The following TNN variants were observed in gnomAD, a reference collection of about 807,000 sequenced individuals.
TNN encodes the protein tenascin-N.
Under a neutral mutation model 134.4 loss-of-function variants are expected in TNN, and 122 were observed. That is an observed-to-expected ratio of 0.91 (90% CI 0.78 to 1.06). The LOEUF (loss-of-function observed/expected upper bound fraction) is 1.06, where lower values mean the gene tolerates loss of function less well. TNN is among the 50% of genes least tolerant of loss of function. TNN has a pLI of 0.00. For synonymous variants in TNN, 710 were observed against 670.3 expected, an observed-to-expected ratio of 1.06 and a Z score of -0.91; for missense variants, 1,739 against 1,699.4, an observed-to-expected ratio of 1.02 and a Z score of -0.41.
chr1:175,117,323 G>T, intron 10 of TNN, 118 bp downstream of exon 10: 1 of 1,528,790 alleles, frequency 6.5e-7, no homozygotes, highest in Admixed American at 2.2e-5. Flanking sequence ...GAGTGGGATG[G>T]CATCCCTTCA....
intron 16 of TNN, among the ~76,000 whole-genome samples, 177 bp from the exon 17 acceptor site, chr1:175,136,644 G>A (rs538272930): frequency 2.0e-5 from 3 of 152,238 alleles, no homozygotes; most frequent in South Asian, 2.1e-4. Flanking sequence ...TGTGGTCTTC[G>A]CACTCCTTAG....
chr1:175,115,707 C>T (rs1675150526), intron 9 of TNN, among the ~76,000 whole-genome samples: 1 of 152,060 alleles, frequency 6.6e-6, no homozygotes, highest in African/African-American at 2.4e-5. Context: ...CCATGCAGGC[C>T]ACAGGGGGTG....
At chr1:175,093,533 A>G (rs1388877060) in intron 6 of TNN, among the ~76,000 whole-genome samples, 1 of 152,060 alleles carries the variant, frequency 6.6e-6, no homozygotes, top group Non-Finnish European at 1.5e-5. Context: ...AGAGAAGAGC[A>G]TGTGTAGATA....
chr1:175,081,996 A>G (rs1199409285), intron 4 of TNN, among the ~76,000 whole-genome samples: 1 of 152,172 alleles, frequency 6.6e-6, no homozygotes, highest in Non-Finnish European at 1.5e-5. Flanking sequence ...CTGTGTTCAG[A>G]GTTGATCATG....
intron 17 of TNN, among the ~76,000 whole-genome samples, chr1:175,140,275 A>G (rs993681469): frequency 6.6e-6 from 1 of 152,196 alleles, no homozygotes; most frequent in Admixed American, 6.5e-5. Context: ...GATCATGGCC[A>G]TCGGTTAGCC....
intron 1 of TNN, among the ~76,000 whole-genome samples, chr1:175,074,913 C>A (rs951992880): frequency 6.6e-6 from 1 of 152,238 alleles, no homozygotes; most frequent in African/African-American, 2.4e-5. Context: ...GCGTTTGAAT[C>A]CTGGCTCTGC....
chr1:175,118,931 A>G (rs748269837), intron 11 of TNN, 107 bp downstream of exon 11: 3 of 1,423,108 alleles, frequency 2.1e-6, no homozygotes, highest in Admixed American at 5.1e-5. Flanking sequence ...TCAGGGCTGC[A>G]GACTGTTTTA....
Position 175,141,121 on chromosome 1 carries a change from A to C in TNN, c.3596-3266A>C, listed in dbSNP as rs147322247. Among the ~76,000 whole-genome samples the C allele has an allele frequency of 6.8e-3, 1,043 of 152,322 alleles. 19 individuals carry two copies. The highest frequency in any genetic ancestry group is 0.024 in the African/African-American group (998 of 41,572). ...TTGACTTCCACTCAAGTTATATCAG[A>C]AAGTCCATTTTCCCTTCATGAAGCA... On this transcript the variant is annotated intron_variant, in intron 17 of 18. Transcript: ENST00000239462.
At chr1:175,109,815 T>C (rs1367986619) in intron 9 of TNN, among the ~76,000 whole-genome samples, 1 of 152,080 alleles carries the variant, frequency 6.6e-6, no homozygotes, top group African/African-American at 2.4e-5. Flanking sequence ...GCAGTAAACA[T>C]GGGCATGCAG....
intron 5 of TNN, among the ~76,000 whole-genome samples, chr1:175,085,037 A>T (rs1338220047): frequency 6.6e-6 from 1 of 152,230 alleles, no homozygotes; most frequent in Non-Finnish European, 1.5e-5. Context: ...CACAATGAGA[A>T]GGAGAGATGC....
intron 11 of TNN, among the ~76,000 whole-genome samples, chr1:175,122,239 T>A (rs1675398283): frequency 6.7e-6 from 1 of 148,724 alleles, no homozygotes; most frequent in Admixed American, 6.7e-5. Context: ...AATACAAAAA[T>A]TGGCTGAGTG....
rs1336733190 is a variant in TNN, at chr1:175,136,748, C to T, written c.3428-73C>T. The T allele has an allele frequency of 3.5e-6, 5 of 1,447,434 alleles. No individual in the cohort carries two copies. The African/African-American group carries it at 5.6e-5, about 16-fold the overall frequency. The allele number at this position is 1,447,434 out of a possible 1,614,324, so 89.7% of individuals were successfully genotyped here. A position where few individuals can be genotyped will look rare whatever the true frequency, so the allele number is the denominator to read the frequency against. On this transcript the variant is annotated intron_variant, in intron 16 of 18. Coordinates refer to ENST00000239462, the MANE Select transcript of TNN (RefSeq NM_022093.2). Reference sequence around the variant, plus strand: ...AAGTGACTTTAGGTTCTGAAAGCCTCAGACACACATGTTGAGTGCTTACTC... The same window carrying T: ...AAGTGACTTTAGGTTCTGAAAGCCTTAGACACACATGTTGAGTGCTTACTC...
At chr1:175,110,296 A>G (rs1674987272) in intron 9 of TNN, among the ~76,000 whole-genome samples, 2 of 152,188 alleles carry the variant, frequency 1.3e-5, no homozygotes, top group South Asian at 4.1e-4. Flanking sequence ...CAGCTTGCAA[A>G]TAGTTTCTCC....
chr1:175,091,558 T>A (rs76197680), intron 6 of TNN, among the ~76,000 whole-genome samples: 3 of 48,216 alleles, frequency 6.2e-5, no homozygotes, highest in Non-Finnish European at 1.3e-4. Flanking sequence ...TTATTTATTA[T>A]TTTTATTTAT....
chr1:175,124,204 C>T (rs1675452602), intron 12 of TNN, among the ~76,000 whole-genome samples: 1 of 152,222 alleles, frequency 6.6e-6, no homozygotes, highest in South Asian at 2.1e-4. Flanking sequence ...GCAGTACGGG[C>T]AAGGTCTGTC....
intron 17 of TNN, among the ~76,000 whole-genome samples, chr1:175,143,314 G>A (rs1675981071): frequency 6.6e-6 from 1 of 152,210 alleles, no homozygotes; most frequent in African/African-American, 2.4e-5. Context: ...AACAGAGCTT[G>A]ATGAAGCTTG....
chr1:175,101,244 C>T (rs1023771451), intron 9 of TNN, among the ~76,000 whole-genome samples: 8 of 151,596 alleles, frequency 5.3e-5, no homozygotes, highest in Non-Finnish European at 1.0e-4. Context: ...TCTCTGGTCT[C>T]GCTGGATCAG....
intron 9 of TNN, among the ~76,000 whole-genome samples, chr1:175,104,239 A>G (rs1674798066): frequency 6.9e-6 from 1 of 145,538 alleles, no homozygotes. Flanking sequence ...AGGCCGCGCC[A>G]GTATCCAGGA....
At chr1:175,125,609 T>TTCTC (rs749853192) in intron 12 of TNN, among the ~76,000 whole-genome samples, 2 of 146,586 alleles carry the variant, frequency 1.4e-5, no homozygotes, top group Non-Finnish European at 3.0e-5. Flanking sequence ...CTTTCTTTCT[T>TTCTC]TCTCTCTCTC....
Sources: allele counts gnomAD v4.1 joint callset (sites outside exome capture counted in the v4.1 genomes callset), GRCh38; gene constraint gnomAD v4.1.1; transcripts MANE v1.5; gene names NCBI Gene and HGNC (gene_info 2026-07-23, HGNC 2026-07-21).